CLUAP1: variants seen among roughly 807,000 people sequenced by gnomAD.
The protein encoded by CLUAP1 is intraflagellar transport 38.
A neutral mutation model predicts 55.0 loss-of-function variants in CLUAP1; 50 were observed. That is an observed-to-expected ratio of 0.91 (90% CI 0.72 to 1.15). The LOEUF is 1.15. Ranked by LOEUF, CLUAP1 falls within the 50% of genes most tolerant of loss-of-function variation. The probability of loss-of-function intolerance (pLI) is 0.00; values close to 1 mark genes in which losing one functional copy is unlikely to be tolerated. For missense variants in CLUAP1, 530 were observed against 507.6 expected (o/e 1.04, Z -0.42); for synonymous variants, 195 against 175.4 (o/e 1.11, Z -0.88).
chr16:3,515,778 A>G (rs1319336165), intron 6 of CLUAP1, among the ~76,000 whole-genome samples, 187 bp downstream of exon 6: 3 of 152,210 alleles, frequency 2.0e-5, no homozygotes, highest in Non-Finnish European at 4.4e-5. Context: ...CCCTCGTTAT[A>G]AATAAAAACA....
chr16:3,533,642 C>G (rs994811188), intron 11 of CLUAP1: 1 of 163,562 alleles, frequency 6.1e-6, no homozygotes, highest in Non-Finnish European at 1.4e-5. Flanking sequence ...ATTGCTCAAG[C>G]CTACGTTCTT....
At chr16:3,500,934 C>G (rs911059354), upstream of CLUAP1, 19 of 984,800 alleles carry the variant, frequency 1.9e-5, no homozygotes, top group Non-Finnish European at 3.0e-6. Context: ...CGCGTCTTCG[C>G]TTCGCTTTTT....
At chr16:3,524,587 A>G (rs1280988813) in intron 8 of CLUAP1, among the ~76,000 whole-genome samples, 1 of 141,618 alleles carries the variant, frequency 7.1e-6, no homozygotes, top group Non-Finnish European at 1.5e-5. Flanking sequence ...ACAGAGCAAG[A>G]CACCATCTCA....
At chr16:3,518,783 C>A (rs1029239110) in intron 6 of CLUAP1, among the ~76,000 whole-genome samples, 33 of 152,132 alleles carry the variant, frequency 2.2e-4, no homozygotes, top group African/African-American at 7.7e-4. Context: ...ACCATAAACG[C>A]ATTGTCAGTA....
chr16:3,498,151 A>G (rs916707802), upstream of CLUAP1, among the ~76,000 whole-genome samples: 1 of 152,006 alleles, frequency 6.6e-6, no homozygotes, highest in African/African-American at 2.4e-5. Flanking sequence ...AAGAACCAGG[A>G]GCTCCAATGT....
chr16:3,513,230 G>C (rs1372284770), intron 5 of CLUAP1, among the ~76,000 whole-genome samples: 1 of 152,190 alleles, frequency 6.6e-6, no homozygotes, highest in African/African-American at 2.4e-5. Flanking sequence ...TATGGAATGT[G>C]ACCTGGGCAT....
At position 3,536,009 on chromosome 16, in the gene CLUAP1, G is replaced by C. The variant is rs2038223962; in HGVS notation, c.1093-113G>C. The C allele has an allele frequency of 8.4e-6, 11 of 1,302,946 alleles. No homozygotes were observed. The South Asian group carries it at 1.6e-4, about 19-fold the overall frequency. The allele number at this position is 1,302,946 out of a possible 1,614,324, so 80.7% of individuals were successfully genotyped here. On this transcript the variant is annotated intron_variant, in intron 11 of 11. Coordinates refer to ENST00000576634, the MANE Select transcript of CLUAP1 (RefSeq NM_015041.3). ...CCACAGCCTGCTTGCCACTCTGCCA[G>C]CCTCTTCCTTCACACAGGGATGCTG...
chr16:3,534,083 C>T (rs2038183302), intron 11 of CLUAP1: 1 of 152,248 alleles, frequency 6.6e-6, no homozygotes, highest in African/African-American at 2.4e-5. Flanking sequence ...GAGTGCCTGC[C>T]ACATGCCAGT....
intron 7 of CLUAP1, among the ~76,000 whole-genome samples, chr16:3,522,626 A>G (rs995999256): frequency 1.3e-5 from 2 of 151,928 alleles, no homozygotes; most frequent in Admixed American, 1.3e-4. Flanking sequence ...ATCCTCACTC[A>G]CTGCAGCCTT....
upstream of CLUAP1, chr16:3,496,538 G>A (rs879118617): frequency 5.4e-6 from 3 of 555,850 alleles, no homozygotes; most frequent in African/African-American, 5.7e-5. Context: ...GGCCCACAGC[G>A]GCATCCTCAG....
At chr16:3,505,287 T>C (rs2037481128) in intron 2 of CLUAP1, among the ~76,000 whole-genome samples, 1 of 152,080 alleles carries the variant, frequency 6.6e-6, no homozygotes, top group Non-Finnish European at 1.5e-5. Context: ...TCCCAGCACT[T>C]TGGGAGGCCG....
At chr16:3,496,755 G>A (rs1451840442), upstream of CLUAP1, 2 of 494,102 alleles carry the variant, frequency 4.0e-6, no homozygotes, top group African/African-American at 2.0e-5. Flanking sequence ...CGGGCCAGCC[G>A]AGGCTACAAA....
chr16:3,526,367 C>T lies in CLUAP1; in HGVS notation c.856-45C>T. 5.1e-6 allele frequency: 7 copies of T among 1,382,724 alleles called. No individual in the cohort carries two copies. In the South Asian group the frequency reaches 8.0e-5, roughly 16 times the overall value. 85.7% of individuals were successfully genotyped at this position (1,382,724 alleles called of 1,614,324 possible). A position where few individuals can be genotyped will look rare whatever the true frequency, so the allele number is the denominator to read the frequency against. On this transcript the variant is annotated intron_variant, in intron 8 of 11. Transcript: ENST00000576634. Reference sequence around the variant, plus strand: ...AGTGGTGAAGAAGAATAGAACAGTCCAGAAAAGGGCCATCTCTCCTGAGTC... The same window carrying T: ...AGTGGTGAAGAAGAATAGAACAGTCTAGAAAAGGGCCATCTCTCCTGAGTC...
At chr16:3,528,204 C>G (rs972943162) in intron 9 of CLUAP1, among the ~76,000 whole-genome samples, 1 of 152,188 alleles carries the variant, frequency 6.6e-6, no homozygotes, top group African/African-American at 2.4e-5. Flanking sequence ...GGAGTTCCTC[C>G]TCCTCTTGCT....
intron 5 of CLUAP1, among the ~76,000 whole-genome samples, chr16:3,514,149 A>T (rs767329843): frequency 4.6e-5 from 7 of 152,176 alleles, no homozygotes; most frequent in Admixed American, 6.5e-5. Flanking sequence ...TGTCCCTAAG[A>T]GACTCAGAGA....
chr16:3,530,253 A>G (rs566788057), intron 9 of CLUAP1, among the ~76,000 whole-genome samples: 6 of 152,178 alleles, frequency 3.9e-5, no homozygotes, highest in East Asian at 1.9e-4. Context: ...TAAGTTTCCA[A>G]CACAGGCTTT....
chr16:3,502,275 G>T (rs115232415), intron 1 of CLUAP1, among the ~76,000 whole-genome samples: 7,240 of 151,716 alleles, frequency 0.048, 310 homozygotes, highest in African/African-American at 0.11. Context: ...AAACCCTGCC[G>T]CTGCTAAAAA....
At chr16:3,504,455 A>G (rs539202832) in intron 1 of CLUAP1, among the ~76,000 whole-genome samples, 1 of 152,356 alleles carries the variant, frequency 6.6e-6, no homozygotes, top group African/African-American at 2.4e-5. Context: ...AAAGAGAGAA[A>G]TGAAATTCAC....
intron 9 of CLUAP1, 149 bp downstream of exon 9, chr16:3,526,633 C>G (rs1220212645): frequency 3.4e-6 from 1 of 298,224 alleles, no homozygotes. Flanking sequence ...GAACACTTCA[C>G]TTTACATCTT....
Sources: allele counts gnomAD v4.1 joint callset (sites outside exome capture counted in the v4.1 genomes callset), GRCh38; gene constraint gnomAD v4.1.1; transcripts MANE v1.5; gene names NCBI Gene and HGNC (gene_info 2026-07-23, HGNC 2026-07-21).